RERE: variants seen among roughly 807,000 people sequenced by gnomAD.
RERE encodes arginine-glutamic acid dipeptide repeats protein.
In RERE, 40 loss-of-function variants were observed where a neutral mutation model predicts 146.1. That is an observed-to-expected ratio of 0.27 (90% confidence interval 0.21 to 0.36). The LOEUF (loss-of-function observed/expected upper bound fraction) is 0.36, where lower values mean the gene tolerates loss of function less well. RERE is among the 10% of genes least tolerant of loss of function. The probability of loss-of-function intolerance (pLI) is 1.00; values close to 1 mark genes in which losing one functional copy is unlikely to be tolerated. For missense variants in RERE, 1,933 were observed against 2,138.7 expected (o/e 0.90, Z 1.90); for synonymous variants, 1,003 against 866.0 (o/e 1.16, Z -2.78).
intron 1 of RERE, among the ~76,000 whole-genome samples, chr1:8,691,459 A>G (rs1246481056): frequency 6.6e-6 from 1 of 152,210 alleles, no homozygotes; most frequent in African/African-American, 2.4e-5. Context: ...TCAAATCAAT[A>G]TAAGTAAAGC....
At chr1:8,769,166 C>T (rs890818945) in intron 1 of RERE, among the ~76,000 whole-genome samples, 3 of 151,996 alleles carry the variant, frequency 2.0e-5, no homozygotes, top group South Asian at 2.1e-4. Context: ...ATGTTTTTTA[C>T]CCAATGATTT....
chr1:8,720,319 T>C (rs187654537), intron 1 of RERE, among the ~76,000 whole-genome samples: 2 of 149,246 alleles, frequency 1.3e-5, no homozygotes, highest in East Asian at 1.9e-4. Flanking sequence ...ATGAACAAAG[T>C]AGAAAGACAC....
At chr1:8,580,179 C>T (rs1646346552) in intron 4 of RERE, among the ~76,000 whole-genome samples, 1 of 152,186 alleles carries the variant, frequency 6.6e-6, no homozygotes, top group Non-Finnish European at 1.5e-5. Flanking sequence ...ATGTATACAG[C>T]TCCTAGTAGC....
At chr1:8,416,460 C>G (rs1280113255) in intron 12 of RERE, among the ~76,000 whole-genome samples, 2 of 151,858 alleles carry the variant, frequency 1.3e-5, no homozygotes, top group Non-Finnish European at 2.9e-5. Flanking sequence ...GTGGCGGGCG[C>G]CTGTAGTCCC....
At chr1:8,623,392 G>A (rs183576853) in intron 3 of RERE, among the ~76,000 whole-genome samples, 141 of 152,202 alleles carry the variant, frequency 9.3e-4, no homozygotes, top group Non-Finnish European at 1.4e-3. Flanking sequence ...CAGAGGCTGC[G>A]GTGAGCCAAG....
intron 4 of RERE, among the ~76,000 whole-genome samples, chr1:8,567,483 T>G (rs1054806933): frequency 3.3e-5 from 5 of 152,214 alleles, no homozygotes; most frequent in African/African-American, 9.6e-5. Flanking sequence ...AACCACTGTT[T>G]CTTGATGATG....
chr1:8,541,469 G>C (rs1167549347), intron 6 of RERE, 151 bp from the exon 7 acceptor site: 2 of 565,392 alleles, frequency 3.5e-6, no homozygotes, highest in Non-Finnish European at 6.3e-6. Context: ...CTATTCAGCT[G>C]TTTCATGACT....
chr1:8,396,511 G>A (rs890762329), intron 12 of RERE, among the ~76,000 whole-genome samples: 1 of 152,180 alleles, frequency 6.6e-6, no homozygotes, highest in Non-Finnish European at 1.5e-5. Context: ...GCTACAAGCA[G>A]GATCTTCATC....
intron 7 of RERE, among the ~76,000 whole-genome samples, chr1:8,522,602 C>A (rs898119520): frequency 6.6e-6 from 1 of 151,994 alleles, no homozygotes; most frequent in African/African-American, 2.4e-5. Context: ...CCGGGCAGGG[C>A]GGCTCACACC....
chr1:8,759,837 A>C (rs74050281), intron 1 of RERE, among the ~76,000 whole-genome samples: 2,833 of 131,446 alleles, frequency 0.022, 77 homozygotes, highest in African/African-American at 0.08. Flanking sequence ...TACTCTCTCT[A>C]TACACACACA....
intron 6 of RERE, among the ~76,000 whole-genome samples, chr1:8,551,747 T>G (rs17032665): frequency 0.035 from 5,303 of 152,262 alleles, 138 homozygotes; most frequent in African/African-American, 0.061. Context: ...TGGTTCAGGA[T>G]TCTGTCATTA....
chr1:8,691,037 A>G (rs1639195846), intron 1 of RERE, among the ~76,000 whole-genome samples: 1 of 152,048 alleles, frequency 6.6e-6, no homozygotes, highest in Admixed American at 6.6e-5. Flanking sequence ...AGCTGGGACT[A>G]TAGGCGCGCA....
intron 7 of RERE, among the ~76,000 whole-genome samples, chr1:8,515,470 A>G (rs765692613): frequency 6.6e-6 from 1 of 151,364 alleles, no homozygotes; most frequent in Non-Finnish European, 1.5e-5. Flanking sequence ...CACACTACTA[A>G]AAATACAAAA....
intron 4 of RERE, among the ~76,000 whole-genome samples, chr1:8,574,340 CTTTTT>C (rs35921166): frequency 3.4e-5 from 3 of 87,218 alleles, no homozygotes; most frequent in African/African-American, 1.4e-4. Context: ...TATATATAGT[CTTTTT>C]TTTTTTTTTT....
intron 11 of RERE, among the ~76,000 whole-genome samples, chr1:8,463,539 G>A (rs963434168): frequency 6.6e-6 from 1 of 152,224 alleles, no homozygotes; most frequent in African/African-American, 2.4e-5. Context: ...TTACAAGCAG[G>A]CGCTGCAGGA....
intron 1 of RERE, among the ~76,000 whole-genome samples, chr1:8,722,851 T>C (rs1390193565): frequency 6.6e-6 from 1 of 152,176 alleles, no homozygotes; most frequent in Non-Finnish European, 1.5e-5. Context: ...TGGATTTTGG[T>C]ACCCACCGAT....
At chr1:8,696,640 T>G (rs1639336627) in intron 1 of RERE, among the ~76,000 whole-genome samples, 1 of 151,954 alleles carries the variant, frequency 6.6e-6, no homozygotes, top group Non-Finnish European at 1.5e-5. Context: ...CTGGGCGCGG[T>G]GGTTCACGCC....
intron 1 of RERE, among the ~76,000 whole-genome samples, chr1:8,709,909 C>T (rs1313637358): frequency 1.3e-5 from 2 of 152,188 alleles, no homozygotes; most frequent in Non-Finnish European, 2.9e-5. Flanking sequence ...GCAGTGGGTC[C>T]TGGTCCTGTT....
chr1:8,498,732 T>TACAC (rs1553175300), intron 8 of RERE, among the ~76,000 whole-genome samples: 4,243 of 107,752 alleles, frequency 0.039, 213 homozygotes, highest in African/African-American at 0.1. Context: ...AATAAATATA[T>TACAC]ACACACACAC....
Sources: allele counts gnomAD v4.1 joint callset (sites outside exome capture counted in the v4.1 genomes callset), GRCh38; gene constraint gnomAD v4.1.1; transcripts MANE v1.5; gene names NCBI Gene and HGNC (gene_info 2026-07-23, HGNC 2026-07-21).